Variants in KCNH7 observed in about 807,000 individuals in gnomAD.
KCNH7 encodes the protein voltage-gated inwardly rectifying potassium channel KCNH7.
Under a neutral mutation model 120.8 loss-of-function variants are expected in KCNH7, and 49 were observed. The ratio of observed to expected loss-of-function variants is 0.41; its 90% CI spans 0.32 to 0.51. The LOEUF is 0.51. KCNH7 is among the 20% of genes least tolerant of loss of function. KCNH7 has a pLI of 0.38. For synonymous variants in KCNH7, 547 were observed against 516.1 expected (o/e 1.06, Z -0.81); for missense variants, 1,097 against 1,446.6 (o/e 0.76, Z 3.92).
intron 2 of KCNH7, among the ~76,000 whole-genome samples, chr2:162,544,137 C>T (rs753961797): frequency 6.6e-6 from 1 of 151,972 alleles, no homozygotes; most frequent in Non-Finnish European, 1.5e-5. Context: ...TGATGAGGCC[C>T]TTGGTTTATT....
chr2:162,749,633 G>A (rs1325396020), intron 2 of KCNH7, among the ~76,000 whole-genome samples: 1 of 152,168 alleles, frequency 6.6e-6, no homozygotes, highest in Admixed American at 6.6e-5. Flanking sequence ...TTAAGTAGCT[G>A]ACGTTTGACC....
intron 6 of KCNH7, among the ~76,000 whole-genome samples, chr2:162,494,740 A>G (rs1435262745): frequency 6.6e-6 from 1 of 152,124 alleles, no homozygotes; most frequent in Non-Finnish European, 1.5e-5. Flanking sequence ...AATCAGATAT[A>G]GGACTTGGAC....
chr2:162,421,534 C>T (rs1010436673), intron 9 of KCNH7, among the ~76,000 whole-genome samples: 3 of 152,264 alleles, frequency 2.0e-5, no homozygotes, highest in African/African-American at 7.2e-5. Flanking sequence ...CACTGGAAAT[C>T]ATTTAACAAG....
intron 2 of KCNH7, among the ~76,000 whole-genome samples, chr2:162,756,222 C>T (rs895071052): frequency 7.2e-5 from 11 of 151,898 alleles, no homozygotes; most frequent in Non-Finnish European, 1.3e-4. Flanking sequence ...TGAGCTAAAC[C>T]AGAGGTCAAT....
chr2:162,541,158 T>G (rs1237751913), intron 2 of KCNH7, among the ~76,000 whole-genome samples: 1 of 152,056 alleles, frequency 6.6e-6, no homozygotes, highest in Admixed American at 6.6e-5. Context: ...AGTGGAGATG[T>G]TGAGAAGGTA....
At chr2:162,673,360 G>C (rs1233638285) in intron 2 of KCNH7, among the ~76,000 whole-genome samples, 1 of 151,988 alleles carries the variant, frequency 6.6e-6, no homozygotes, top group Non-Finnish European at 1.5e-5. Context: ...TTATCAGTCA[G>C]GTTAATCCCA....
chr2:162,635,519 T>C (rs1483913542), intron 2 of KCNH7, among the ~76,000 whole-genome samples: 1 of 152,034 alleles, frequency 6.6e-6, no homozygotes, highest in Non-Finnish European at 1.5e-5. Flanking sequence ...TTTTTGGCTT[T>C]AAAGTTTTGC....
At position 162,611,182 on chromosome 2, in the gene KCNH7, T is replaced by C. The variant is rs557672783; in HGVS notation, c.308-74102A>G. Among the ~76,000 whole-genome samples, 3 of 152,262 alleles carry C rather than the reference T, an allele frequency of 2.0e-5. No homozygotes were observed. In the South Asian group the frequency reaches 6.2e-4, roughly 32 times the overall value. On this transcript the variant is annotated intron_variant, in intron 2 of 15. Transcript: ENST00000332142. ...CCACCGTGGGGCCTGCTGGGTGGCA[T>C]TGGTGTGGACCACCAGGCAGAGGAG...
rs183772364 is a variant in KCNH7 at position 162,478,744 on chromosome 2, T to C, written c.1128+25699A>G. ...CACCTTTCAGTCTAATATAAAGCCA[T>C]AGAATCATGATTCATTGATGTTTCT... On this transcript the variant is annotated intron_variant, in intron 6 of 15. Transcript: ENST00000332142. Among the ~76,000 whole-genome samples, 3 of 152,288 alleles carry C rather than the reference T, an allele frequency of 2.0e-5. No individual in the cohort carries two copies. In the East Asian group the frequency reaches 5.8e-4, roughly 29 times the overall value.
intron 2 of KCNH7, among the ~76,000 whole-genome samples, chr2:162,611,885 T>C (rs1456314828): frequency 6.6e-6 from 1 of 152,194 alleles, no homozygotes; most frequent in Non-Finnish European, 1.5e-5. Context: ...CAAGGGATTC[T>C]TCAAAAGAGG....
At chr2:162,455,264 C>T (rs1415106150) in intron 6 of KCNH7, among the ~76,000 whole-genome samples, 1 of 152,112 alleles carries the variant, frequency 6.6e-6, no homozygotes, top group Non-Finnish European at 1.5e-5. Flanking sequence ...TTGAACCAGC[C>T]TTGCGTCCCA....
At position 162,441,999 on chromosome 2, in the gene KCNH7, C is replaced by CTTCT. The variant is rs1688430885; in HGVS notation, c.1554+4018_1554+4019insAGAA. 3.7e-3 allele frequency among the ~76,000 whole-genome samples: 155 copies of CTTCT among 41,600 alleles called. 12 individuals carry two copies. The highest frequency in any genetic ancestry group is 9.5e-3 in the African/African-American group (147 of 15,468). 27.3% of individuals were successfully genotyped at this position (41,600 alleles called of 152,430 possible). ...GAAAAAAATTAAATAGTTAGGTCTT[C>CTTCT]TTTTTTTTTTTTTTTTTTTTTTTTT... On this transcript the variant is annotated intron_variant, in intron 7 of 15. Coordinates refer to ENST00000332142, the MANE Select transcript of KCNH7 (RefSeq NM_033272.4).
intron 2 of KCNH7, among the ~76,000 whole-genome samples, chr2:162,744,748 AT>A (rs756603009): frequency 6.6e-6 from 1 of 151,172 alleles, no homozygotes; most frequent in East Asian, 2.0e-4. Context: ...AATTTTTTGT[AT>A]TTTTTATTAG....
intron 3 of KCNH7, 107 bp from the exon 4 acceptor site, chr2:162,518,265 G>T: frequency 1.2e-6 from 1 of 816,368 alleles, no homozygotes; most frequent in Non-Finnish European, 1.9e-6. Context: ...AAATAATTTT[G>T]AATCAATGGT....
At chr2:162,469,633 T>TAA (rs1400764328) in intron 6 of KCNH7, among the ~76,000 whole-genome samples, 1 of 152,144 alleles carries the variant, frequency 6.6e-6, no homozygotes, top group Non-Finnish European at 1.5e-5. Context: ...TTTTTATGCA[T>TAA]AAGGACTACC....
chr2:162,801,341 G>C (rs1684341654), intron 2 of KCNH7, among the ~76,000 whole-genome samples: 3 of 151,658 alleles, frequency 2.0e-5, no homozygotes, highest in Non-Finnish European at 4.4e-5. Flanking sequence ...TGCAGGAATA[G>C]CAATTCTCAA....
At chr2:162,686,970 G>T (rs1685914668) in intron 2 of KCNH7, among the ~76,000 whole-genome samples, 1 of 152,146 alleles carries the variant, frequency 6.6e-6, no homozygotes. Context: ...CTGTCAAAGA[G>T]GAGTTGTGGC....
At chr2:162,710,392 T>C (rs1013040640) in intron 2 of KCNH7, among the ~76,000 whole-genome samples, 1 of 152,202 alleles carries the variant, frequency 6.6e-6, no homozygotes, top group African/African-American at 2.4e-5. Flanking sequence ...ATTGATCTGC[T>C]AATGACCCAA....
Position 162,754,918 on chromosome 2 carries a change from G to A in KCNH7, c.307+81619C>T, listed in dbSNP as rs371250269. Reference sequence around the variant, plus strand: ...TAATTTTGGTCTAAAATAAATATACGAATTTACTGTCACTAAGTCTACATT... The same window carrying A: ...TAATTTTGGTCTAAAATAAATATACAAATTTACTGTCACTAAGTCTACATT... On this transcript the variant is annotated intron_variant, in intron 2 of 15. Coordinates refer to ENST00000332142, the MANE Select transcript of KCNH7 (RefSeq NM_033272.4). 9.9e-5 allele frequency among the ~76,000 whole-genome samples: 15 copies of A among 152,174 alleles called. 1 individual carries two copies. The East Asian group carries it at 2.5e-3, about 25-fold the overall frequency.
Sources: gnomAD v4.1 joint callset for allele counts (sites outside exome capture counted in the v4.1 genomes callset) on GRCh38, gnomAD v4.1.1 for gene constraint, MANE v1.5 for transcripts, NCBI Gene and HGNC (gene_info 2026-07-23, HGNC 2026-07-21) for gene names.